Variants in RASA3 observed in about 807,000 individuals in gnomAD.
The protein encoded by RASA3 is RAS p21 protein activator 3.
In RASA3, 73 loss-of-function variants were observed where a neutral mutation model predicts 110.0. That is an observed-to-expected ratio of 0.66 (90% CI 0.55 to 0.81). The LOEUF is 0.81. RASA3 is among the 30% of genes least tolerant of loss of function. RASA3 has a pLI of 0.00. For synonymous variants in RASA3, 500 were observed against 451.4 expected, an observed-to-expected ratio of 1.11 and a Z score of -1.37; for missense variants, 976 against 1,113.2, an observed-to-expected ratio of 0.88 and a Z score of 1.75.
chr13:114,037,746 C>T (rs529577904), intron 4 of RASA3, among the ~76,000 whole-genome samples: 4 of 152,340 alleles, frequency 2.6e-5, no homozygotes, highest in East Asian at 1.9e-4. Context: ...CACAGAAACA[C>T]GTGCCTGTGA....
intron 2 of RASA3, among the ~76,000 whole-genome samples, chr13:114,072,999 C>T (rs556711752): frequency 1.4e-5 from 2 of 143,462 alleles, no homozygotes; most frequent in South Asian, 2.2e-4. Context: ...AGAAAAATTC[C>T]CTACACGCGG....
intron 22 of RASA3, among the ~76,000 whole-genome samples, chr13:113,990,495 G>C (rs982947836): frequency 6.6e-6 from 1 of 152,210 alleles, no homozygotes; most frequent in Non-Finnish European, 1.5e-5. Flanking sequence ...CCCTCTCCGA[G>C]GCTCCCTGAC....
chr13:113,993,469 C>A (rs932441531), intron 21 of RASA3, among the ~76,000 whole-genome samples: 3 of 151,986 alleles, frequency 2.0e-5, no homozygotes, highest in African/African-American at 4.8e-5. Flanking sequence ...AGCCACTGAG[C>A]CCGGCCTCAT....
chr13:113,999,318 G>A (rs573316319), intron 20 of RASA3, among the ~76,000 whole-genome samples: 3 of 152,274 alleles, frequency 2.0e-5, no homozygotes. Flanking sequence ...TGCGGGGGAC[G>A]CCACCTGAAG....
chr13:114,037,235 A>G (rs975408268), intron 4 of RASA3, among the ~76,000 whole-genome samples: 2 of 152,220 alleles, frequency 1.3e-5, no homozygotes, highest in Non-Finnish European at 2.9e-5. Context: ...TGGTGGTTAC[A>G]CTATCTACCC....
rs68138759 is a variant in RASA3, at chr13:114,013,884, GTCTCTC to G, written c.1406-642_1406-637del. Among the ~76,000 whole-genome samples, 2 of 101,420 alleles carry G rather than the reference GTCTCTC, an allele frequency of 2.0e-5. 1 individual carries two copies. Among genetic ancestry groups the G allele is most frequent in the African/African-American group, 7.5e-5 (2 of 26,530 alleles). The allele number at this position is 101,420 out of a possible 152,430, so 66.5% of individuals were successfully genotyped here. A position where few individuals can be genotyped will look rare whatever the true frequency, so the allele number is the denominator to read the frequency against. ...TCTCCCTGTCTCTCTCCCTATCTCTGTCTCTCTCTTTTTCTCTCTTTCTCTGTCTCT... is the reference window on the plus strand; with the variant it reads ...TCTCCCTGTCTCTCTCCCTATCTCTGTCTTTTTCTCTCTTTCTCTGTCTCT... On this transcript the variant is annotated intron_variant, in intron 14 of 23. Coordinates refer to ENST00000334062, the MANE Select transcript of RASA3 (RefSeq NM_007368.4).
intron 1 of RASA3, among the ~76,000 whole-genome samples, chr13:114,111,121 C>T (rs112872969): frequency 3.2e-5 from 2 of 62,640 alleles, no homozygotes; most frequent in Non-Finnish European, 6.6e-5. Flanking sequence ...AGCTGCAGGC[C>T]GAGTTCTAAC....
In RASA3 at chr13:114,052,452, C is replaced by T. The variant is rs913065867; in HGVS notation, c.174-297G>A. ...CACTGCCAGAATGACTTCCATGCTA[C>T]GTGCTCAGGTCTAGGTGCAGCCTCA... On this transcript the variant is annotated intron_variant, in intron 2 of 23. Transcript: ENST00000334062. 3.9e-5 allele frequency among the ~76,000 whole-genome samples: 6 copies of T among 152,196 alleles called. 1 individual carries two copies. Among genetic ancestry groups the T allele is most frequent in the African/African-American group, 9.7e-5 (4 of 41,444 alleles).
chr13:114,090,476 G>C (rs529091452), intron 1 of RASA3, among the ~76,000 whole-genome samples: 1 of 152,204 alleles, frequency 6.6e-6, no homozygotes, highest in Middle Eastern at 3.2e-3. Context: ...AGAAGGGACC[G>C]AGGCTCCTCC....
intron 1 of RASA3, among the ~76,000 whole-genome samples, chr13:114,103,826 C>A (rs1484456091): frequency 3.4e-5 from 1 of 29,378 alleles, no homozygotes; most frequent in Non-Finnish European, 6.5e-5. Context: ...CTGCCGCCGA[C>A]CACAGACACC....
chr13:114,070,173 G>C (rs1243821792), intron 2 of RASA3, among the ~76,000 whole-genome samples: 1 of 114,664 alleles, frequency 8.7e-6, no homozygotes, highest in African/African-American at 3.3e-5. Flanking sequence ...GGGAGACTCG[G>C]GGGGCCGGGA....
chr13:114,070,964 C>T (rs1363017302), intron 2 of RASA3, among the ~76,000 whole-genome samples: 1 of 135,238 alleles, frequency 7.4e-6, no homozygotes, highest in Non-Finnish European at 1.6e-5. Flanking sequence ...CAGTGTTACA[C>T]GTGGGCAGGG....
intron 21 of RASA3, among the ~76,000 whole-genome samples, chr13:113,994,033 T>C (rs2053180361): frequency 6.6e-6 from 1 of 152,210 alleles, no homozygotes; most frequent in African/African-American, 2.4e-5. Context: ...TAAATACTTT[T>C]TAAAAGGCAG....
At chr13:114,119,409 C>G (rs1230610951) in intron 1 of RASA3, among the ~76,000 whole-genome samples, 3 of 152,170 alleles carry the variant, frequency 2.0e-5, no homozygotes, top group African/African-American at 4.8e-5. Flanking sequence ...ACGGAGGTCC[C>G]GGAGACAACT....
intron 17 of RASA3, among the ~76,000 whole-genome samples, chr13:114,008,844 C>G (rs1244355837): frequency 1.6e-5 from 1 of 61,336 alleles, no homozygotes; most frequent in Non-Finnish European, 2.8e-5. Context: ...ACGTTCCCCA[C>G]GCACCGCGTT....
chr13:114,037,387 A>G (rs1459323980), intron 4 of RASA3, among the ~76,000 whole-genome samples: 1 of 152,188 alleles, frequency 6.6e-6, no homozygotes, highest in African/African-American at 2.4e-5. Context: ...GATGTCACGC[A>G]GAGCGACATT....
rs900666966 is a variant in RASA3, at chr13:114,011,461, C to T, written c.1513-213G>A. Among the ~76,000 whole-genome samples, 3 of 152,076 alleles carry T rather than the reference C, an allele frequency of 2.0e-5. No homozygotes were observed. Among genetic ancestry groups the T allele is most frequent in the East Asian group, 1.9e-4 (1 of 5,168 alleles). ...CTGAGACCATCCCGCAGGCAACATC[C>T]GACGGCACCGCGGTGACCCACTCTC... On this transcript the variant is annotated intron_variant, in intron 15 of 23. Transcript: ENST00000334062. This position sits in a 1 kb window ranked among gnomAD's most constrained non-coding sequence, Gnocchi z 4.8.
intron 1 of RASA3, among the ~76,000 whole-genome samples, chr13:114,119,629 T>C (rs1199859648): frequency 6.1e-5 from 3 of 49,182 alleles, no homozygotes; most frequent in Admixed American, 2.5e-4. Context: ...GGCCCCTCCC[T>C]CTCTCCAGCC....
chr13:114,000,972 C>A, intron 18 of RASA3, 40 bp from the exon 19 acceptor site: 1 of 1,369,984 alleles, frequency 7.3e-7, no homozygotes, highest in South Asian at 1.2e-5. Flanking sequence ...CGGGCCTCAG[C>A]TGCCTCCCTG....
Sources: gnomAD v4.1 joint callset for allele counts (sites outside exome capture counted in the v4.1 genomes callset) on GRCh38, gnomAD v4.1.1 for gene constraint, Gnocchi (gnomAD v3.1) non-coding constraint, MANE v1.5 for transcripts, NCBI Gene and HGNC (gene_info 2026-07-23, HGNC 2026-07-21) for gene names.